The following PEF1 variants were observed in gnomAD, a reference collection of about 807,000 sequenced individuals.
The protein encoded by PEF1 is penta-EF-hand domain containing 1.
A neutral mutation model predicts 32.0 loss-of-function variants in PEF1; 17 were observed. The ratio of observed to expected loss-of-function variants is 0.53; its 90% confidence interval spans 0.36 to 0.80. The LOEUF (loss-of-function observed/expected upper bound fraction) is 0.80. PEF1 is among the 30% of genes least tolerant of loss of function. The pLI is 0.00. For synonymous variants in PEF1, 130 were observed against 139.8 expected (o/e 0.93, Z 0.50); for missense variants, 362 against 369.1 (o/e 0.98, Z 0.16).
At chr1:31,640,762 ATT>A (rs566044276) in intron 1 of PEF1, among the ~76,000 whole-genome samples, 1 of 149,974 alleles carries the variant, frequency 6.7e-6, no homozygotes, top group East Asian at 1.9e-4. Flanking sequence ...AAAGTCCGGT[ATT>A]TTTTTTTTCT....
At chr1:31,635,664 A>T (rs1444682872) in intron 1 of PEF1, 142 bp from the exon 2 acceptor site, 2 of 895,910 alleles carry the variant, frequency 2.2e-6, no homozygotes, top group Non-Finnish European at 3.1e-6. Flanking sequence ...CTCACTGCTC[A>T]GATGGGCAAA....
chr1:31,632,780 G>T, intron 3 of PEF1, 142 bp from the exon 4 acceptor site: 1 of 982,200 alleles, frequency 1.0e-6, no homozygotes, highest in Non-Finnish European at 1.5e-6. Flanking sequence ...CCAGATGCCT[G>T]CACCTGAGAC....
At chr1:31,636,180 T>TAATCACAGCACTTTGG (rs2148620811) in intron 1 of PEF1, among the ~76,000 whole-genome samples, 1 of 152,270 alleles carries the variant, frequency 6.6e-6, no homozygotes, top group African/African-American at 2.4e-5. Context: ...CACAGCTGTG[T>TAATCACAGCACTTTGG]AATCACAGCA....
chr1:31,640,557 T>C (rs1364661364), intron 1 of PEF1, among the ~76,000 whole-genome samples: 1 of 152,166 alleles, frequency 6.6e-6, no homozygotes, highest in East Asian at 1.9e-4. Flanking sequence ...CAGGGACTCT[T>C]AGAAAAATCT....
chr1:31,634,213 G>A (rs141074287), intron 2 of PEF1, among the ~76,000 whole-genome samples: 1 of 152,160 alleles, frequency 6.6e-6, no homozygotes, highest in Non-Finnish European at 1.5e-5. Flanking sequence ...CTAAAACATC[G>A]GTGTCATAGG....
chr1:31,644,530 C>T, intron 1 of PEF1: 1 of 1,348,410 alleles, frequency 7.4e-7, no homozygotes, highest in Non-Finnish European at 9.5e-7. Flanking sequence ...CCGCCCAAGG[C>T]CCCCATGAGG....
chr1:31,641,473 G>A (rs1640389118), intron 1 of PEF1, among the ~76,000 whole-genome samples: 1 of 152,098 alleles, frequency 6.6e-6, no homozygotes, highest in Admixed American at 6.5e-5. Flanking sequence ...CCCCAAAAAG[G>A]CATACAAGGC....
At chr1:31,644,219 A>G (rs1640483245) in intron 1 of PEF1, 1 of 217,790 alleles carries the variant, frequency 4.6e-6, no homozygotes, top group African/African-American at 2.3e-5. Flanking sequence ...CTGAATCAAG[A>G]TACGCTGGGG....
rs753179026 is a variant in PEF1, at chr1:31,633,328, T to C, written c.326-14A>G. 2 of 1,601,982 alleles carry C rather than the reference T, an allele frequency of 1.2e-6. No individual in the cohort carries two copies. The highest frequency in any genetic ancestry group is 1.9e-4 in the Middle Eastern group (1 of 5,388). ...GAGGGGCGCCACCTGGAGGAAGGGG[T>C]GTGAAGGCCATCAACAGAAATGCCA... On this transcript the variant is annotated splice_polypyrimidine_tract_variant and intron_variant, in intron 2 of 4. Transcript: ENST00000373703.
rs185170722 is a variant in PEF1 at position 31,635,002 on chromosome 1, G to A, written c.325+220C>T. On this transcript the variant is annotated intron_variant, in intron 2 of 4. Coordinates refer to ENST00000373703, the MANE Select transcript of PEF1 (RefSeq NM_012392.4). ...ACAGCCAGCTAACAGCTGCTGACAT[G>A]TAAGCAAAAGAAAGTAAGCATGAGC... The A allele has an allele frequency of 6.9e-5, 49 of 715,266 alleles. No individual in the cohort carries two copies. The East Asian group carries it at 8.9e-4, about 13-fold the overall frequency. 44.3% of individuals were successfully genotyped at this position (715,266 alleles called of 1,614,324 possible).
chr1:31,634,814 G>A (rs1024075792), intron 2 of PEF1: 9 of 458,370 alleles, frequency 2.0e-5, no homozygotes, highest in African/African-American at 1.8e-4. Context: ...AAGAATGCAA[G>A]TGGGCAAGAC....
chr1:31,632,979 A>C (rs1199617120), intron 3 of PEF1, among the ~76,000 whole-genome samples, 180 bp downstream of exon 3: 1 of 152,200 alleles, frequency 6.6e-6, no homozygotes, highest in East Asian at 1.9e-4. Flanking sequence ...AACTTAAGAA[A>C]GATCTCAGGA....
At chr1:31,639,445 C>A (rs2148623615) in intron 1 of PEF1, among the ~76,000 whole-genome samples, 1 of 152,358 alleles carries the variant, frequency 6.6e-6, no homozygotes. Flanking sequence ...GTGCCTGGCA[C>A]CTGCAAGCCT....
chr1:31,633,881 G>A (rs1467369713), intron 2 of PEF1, among the ~76,000 whole-genome samples: 2 of 152,062 alleles, frequency 1.3e-5, no homozygotes, highest in Non-Finnish European at 2.9e-5. Context: ...CTTGAACCCG[G>A]GAGGTGGAGG....
In PEF1 at chr1:31,635,497, G is replaced by A. The variant is rs1295374474; in HGVS notation, c.50C>T (p.Ala17Val). 3.9e-6 allele frequency: 6 copies of A among 1,519,050 alleles called. No homozygotes were observed. Among genetic ancestry groups the A allele is most frequent in the African/African-American group, 2.8e-5 (2 of 71,794 alleles). 94.1% of individuals were successfully genotyped at this position (1,519,050 alleles called of 1,614,324 possible). The change falls in exon 2 of 5, where the codon GCA (alanine) becomes GTA (valine). Residue 17 changes from alanine (A) to valine (V), a missense_variant. Coordinates refer to ENST00000373703, the MANE Select transcript of PEF1 (RefSeq NM_012392.4). ...GTAGCTACCCGGAGGGGCTCCTGGT[G>A]CTTGTCCTGCAGCTCCTGGGCAGCC... is the stretch of plus-strand genomic sequence containing the variant. Reference protein sequence around the residue: ...RQGCPGAAGQAPGAPPGSYYP... With the variant: ...RQGCPGAAGQVPGAPPGSYYP...
Position 31,635,487 on chromosome 1 carries a change from G to A in PEF1, c.60C>T (p.Ala20=), listed in dbSNP as rs746597235. Reference sequence around the variant, plus strand: ...GTCCAGGGTAGTAGCTACCCGGAGGGGCTCCTGGTGCTTGTCCTGCAGCTC... The same window carrying A: ...GTCCAGGGTAGTAGCTACCCGGAGGAGCTCCTGGTGCTTGTCCTGCAGCTC... The part of the protein sequence containing the change: ...CPGAAGQAPG[A]PPGSYYPGPP... The change falls in exon 2 of 5, where the codon GCC becomes GCT. Residue 20 remains alanine (A), a synonymous_variant. Transcript: ENST00000373703. 3.9e-6 allele frequency: 6 copies of A among 1,524,430 alleles called. No homozygotes were observed. In the African/African-American group the frequency reaches 8.3e-5, roughly 21 times the overall value. The allele number at this position is 1,524,430 out of a possible 1,614,324, so 94.4% of individuals were successfully genotyped here. A position where few individuals can be genotyped will look rare whatever the true frequency, so the allele number is the denominator to read the frequency against.
At chr1:31,635,795 G>A (rs961285035) in intron 1 of PEF1, among the ~76,000 whole-genome samples, 2 of 152,150 alleles carry the variant, frequency 1.3e-5, no homozygotes, top group Admixed American at 6.5e-5. Context: ...CTCCACAAGG[G>A]CTAGGATCCT....
chr1:31,635,440 T>C lies in PEF1; in HGVS notation c.107A>G (p.Tyr36Cys), dbSNP rs1242953431. 2.5e-6 allele frequency: 4 copies of C among 1,608,818 alleles called. No individual in the cohort carries two copies. Among genetic ancestry groups the C allele is most frequent in the Middle Eastern group, 3.5e-4 (2 of 5,788 alleles). The change falls in exon 2 of 5, where the codon TAT becomes TGT. Residue 36 changes from tyrosine to cysteine, a missense_variant. Coordinates refer to ENST00000373703, the MANE Select transcript of PEF1 (RefSeq NM_012392.4). ...YPGPPNSGGQ[Y>C]GSGLPPGGGY... ...ACCACCAGGGGGTAGCCCACTACCA[T>C]ACTGCCCTCCACTATTGGGGGGTCC...
intron 2 of PEF1, 115 bp downstream of exon 2, chr1:31,635,107 A>C (rs1640217455): frequency 1.1e-5 from 14 of 1,288,088 alleles, no homozygotes; most frequent in Non-Finnish European, 1.5e-5. Flanking sequence ...GCTGGAAGCA[A>C]GATGCTAAGG....
Sources: gnomAD v4.1 joint callset for allele counts (sites outside exome capture counted in the v4.1 genomes callset) on GRCh38, gnomAD v4.1.1 for gene constraint, MANE v1.5 for transcripts, NCBI Gene and HGNC (gene_info 2026-07-23, HGNC 2026-07-21) for gene names.